The following CYP3A43 variants were observed in gnomAD, a reference collection of about 807,000 sequenced individuals.
CYP3A43 encodes the protein cytochrome P450 3A43.
A neutral mutation model predicts 58.0 loss-of-function variants in CYP3A43; 45 were observed. That is an observed-to-expected ratio of 0.78 (90% CI 0.61 to 0.99). The LOEUF is 0.99. Among genes scored for constraint, CYP3A43 ranks in the 50% least tolerant of loss-of-function variants. CYP3A43 has a pLI of 0.00. For synonymous variants in CYP3A43, 191 were observed against 201.4 expected (o/e 0.95, Z 0.44); for missense variants, 593 against 591.9 (o/e 1.00, Z -0.02).
At chr7:99,862,346 G>A (rs756414660) in intron 11 of CYP3A43, among the ~76,000 whole-genome samples, 14 of 151,976 alleles carry the variant, frequency 9.2e-5, no homozygotes, top group East Asian at 3.9e-4. Flanking sequence ...GCTGTTTTCC[G>A]TAATGTAACT....
At chr7:99,831,538 C>A (rs377657742) in intron 1 of CYP3A43, among the ~76,000 whole-genome samples, 1 of 152,198 alleles carries the variant, frequency 6.6e-6, no homozygotes, top group South Asian at 2.1e-4. Flanking sequence ...GTTACATCGG[C>A]GGGATGCAGC....
At chr7:99,843,749 G>A (rs1023156735) in intron 3 of CYP3A43, among the ~76,000 whole-genome samples, 10 of 152,166 alleles carry the variant, frequency 6.6e-5, no homozygotes, top group Non-Finnish European at 1.5e-4. Flanking sequence ...TTACAAGTGT[G>A]AGCCACTGCA....
rs569931868 is a variant in CYP3A43, at chr7:99,848,275, G to C, written c.521+21G>C. 169 of 1,611,918 alleles carry C rather than the reference G, an allele frequency of 1.0e-4. 2 individuals are homozygous for C. The South Asian group carries it at 1.7e-3, about 17-fold the overall frequency. On this transcript the variant is annotated intron_variant, in intron 6 of 12. Transcript: ENST00000354829. ...AAAGAGTAAGTAGCACAGTCTTGAG[G>C]TTCTGAGCTGTCATGAGCCCCTCCA... is the stretch of plus-strand genomic sequence containing the variant.
chr7:99,832,476 T>G, intron 1 of CYP3A43, among the ~76,000 whole-genome samples: 2 of 126,878 alleles, frequency 1.6e-5, no homozygotes, highest in South Asian at 2.4e-4. Flanking sequence ...CACTCATAGG[T>G]GGGAATTGAA....
rs1425683328 is a variant in CYP3A43 at position 99,849,976 on chromosome 7, T to TTTTTTTTC, written c.670+282_670+283insTTTTTTTC. The TTTTTTTTC allele has an allele frequency of 1.3e-5, 6 of 461,992 alleles. No individual in the cohort carries two copies. The African/African-American group carries it at 1.3e-4, about 10-fold the overall frequency. The allele number at this position is 461,992 out of a possible 1,614,324, so 28.6% of individuals were successfully genotyped here. A position where few individuals can be genotyped will look rare whatever the true frequency, so the allele number is the denominator to read the frequency against. ...CACCATTTTTTTTTTTTTTTTTTTT[T>TTTTTTTTC]AGACAGAGTCTCGCTGTGTTGCCTA... On this transcript the variant is annotated intron_variant, in intron 7 of 12. Coordinates refer to ENST00000354829, the MANE Select transcript of CYP3A43 (RefSeq NM_057095.3).
chr7:99,861,230 A>G (rs746143227), intron 10 of CYP3A43, among the ~76,000 whole-genome samples: 1 of 151,934 alleles, frequency 6.6e-6, no homozygotes, highest in African/African-American at 2.4e-5. Flanking sequence ...TGCTTTTTAC[A>G]TTTTCTTTTT....
At chr7:99,833,380 T>C (rs560710406) in intron 1 of CYP3A43, among the ~76,000 whole-genome samples, 69 of 152,282 alleles carry the variant, frequency 4.5e-4, no homozygotes, top group Non-Finnish European at 8.1e-4. Flanking sequence ...CAAACACAGT[T>C]ATTCAATTGA....
chr7:99,852,313 C>G (rs953993578), intron 7 of CYP3A43, among the ~76,000 whole-genome samples: 5 of 152,140 alleles, frequency 3.3e-5, no homozygotes, highest in African/African-American at 1.2e-4. Flanking sequence ...ATTTTAAAAT[C>G]AACTTGTCAA....
At chr7:99,831,113 G>A (rs117897545) in intron 1 of CYP3A43, among the ~76,000 whole-genome samples, 2,403 of 152,282 alleles carry the variant, frequency 0.016, 41 homozygotes, top group Middle Eastern at 0.024. Flanking sequence ...GGTTATTTTC[G>A]ATGTGTGAGT....
At chr7:99,838,279 C>A (rs1345595551) in intron 2 of CYP3A43, among the ~76,000 whole-genome samples, 1 of 152,202 alleles carries the variant, frequency 6.6e-6, no homozygotes, top group Non-Finnish European at 1.5e-5. Context: ...TCTCGCTCAA[C>A]AAAATGCCTT....
At chr7:99,865,068 C>G (rs1375333095) in intron 12 of CYP3A43, among the ~76,000 whole-genome samples, 1 of 148,446 alleles carries the variant, frequency 6.7e-6, no homozygotes, top group African/African-American at 2.6e-5. Flanking sequence ...TTTAGGGAAG[C>G]TGTACATCCA....
intron 3 of CYP3A43, among the ~76,000 whole-genome samples, chr7:99,842,006 A>G (rs1817352735): frequency 6.6e-6 from 1 of 152,224 alleles, no homozygotes; most frequent in Non-Finnish European, 1.5e-5. Flanking sequence ...TCTAATTGTC[A>G]ATGACAAAAT....
chr7:99,841,114 A>G (rs1156577201), intron 3 of CYP3A43, among the ~76,000 whole-genome samples: 3 of 152,208 alleles, frequency 2.0e-5, no homozygotes, highest in Admixed American at 6.5e-5. Context: ...CCGTCTCCAC[A>G]TAAGGAGCCG....
At chr7:99,840,096 G>A (rs1052615920) in intron 3 of CYP3A43, among the ~76,000 whole-genome samples, 2 of 152,176 alleles carry the variant, frequency 1.3e-5, no homozygotes, top group Admixed American at 6.5e-5. Flanking sequence ...CTTGCTTATC[G>A]ATGTCTGCAG....
chr7:99,833,550 G>C (rs767592468), intron 1 of CYP3A43, among the ~76,000 whole-genome samples: 23 of 152,208 alleles, frequency 1.5e-4, no homozygotes, highest in Non-Finnish European at 8.8e-5. Flanking sequence ...AGAAAAACAG[G>C]CAGTTAGTTT....
At position 99,865,873 on chromosome 7, in the gene CYP3A43, T is replaced by C. The variant is rs778615165; in HGVS notation, c.1417-33T>C. On this transcript the variant is annotated intron_variant, in intron 12 of 12. Coordinates refer to ENST00000354829, the MANE Select transcript of CYP3A43 (RefSeq NM_057095.3). ...TTCTATCTTTTCTTCATTTGCTTCA[T>C]TGTTTCTGAATATTCTTGTTTAACT... The C allele has an allele frequency of 2.1e-6, 3 of 1,437,964 alleles. No homozygotes were observed. In the South Asian group the frequency reaches 3.7e-5, roughly 18 times the overall value. The allele number at this position is 1,437,964 out of a possible 1,614,324, so 89.1% of individuals were successfully genotyped here. A position where few individuals can be genotyped will look rare whatever the true frequency, so the allele number is the denominator to read the frequency against.
At chr7:99,851,054 C>T (rs1817742597) in intron 7 of CYP3A43, among the ~76,000 whole-genome samples, 1 of 151,962 alleles carries the variant, frequency 6.6e-6, no homozygotes, top group African/African-American at 2.4e-5. Context: ...GTAATCCCAG[C>T]TATCAGGAAC....
Position 99,855,624 on chromosome 7 carries a change from C to A in CYP3A43, c.704C>A (p.Ala235Asp). The A allele has an allele frequency of 6.2e-7, 1 of 1,612,594 alleles. No individual in the cohort carries two copies. Residue 235 changes from alanine to aspartate, a missense_variant, in exon 8 of 13, where the codon GCC becomes GAC. Physicochemically the swap from Ala to Asp is moderately radical, Grantham distance 126. Coordinates refer to ENST00000354829, the MANE Select transcript of CYP3A43 (RefSeq NM_057095.3). ...LFPFLTPVFE[A>D]LNIGLFPKDV... ...CCATTTCTTACCCCAGTTTTTGAAGCCCTAAATATCGGTTTGTTTCCAAAA... is the reference window on the plus strand; with the variant it reads ...CCATTTCTTACCCCAGTTTTTGAAGACCTAAATATCGGTTTGTTTCCAAAA...
At chr7:99,839,008 G>T in intron 2 of CYP3A43, 112 bp from the exon 3 acceptor site, 1 of 1,246,096 alleles carries the variant, frequency 8.0e-7, no homozygotes, top group Non-Finnish European at 1.2e-6. Flanking sequence ...CCAGTAAATG[G>T]TAGCAAGCCT....
Sources: allele counts gnomAD v4.1 joint callset (sites outside exome capture counted in the v4.1 genomes callset), GRCh38; gene constraint gnomAD v4.1.1; transcripts MANE v1.5; gene names NCBI Gene and HGNC (gene_info 2026-07-23, HGNC 2026-07-21).